Variants in LRRTM4 observed in about 807,000 individuals in gnomAD.
The protein encoded by LRRTM4 is leucine rich repeat transmembrane neuronal 4.
LRRTM4 carries 25 observed loss-of-function variants against 47.6 expected under a neutral mutation model. That is an observed-to-expected ratio of 0.53 (90% CI 0.38 to 0.73). LRRTM4 has a LOEUF of 0.73. Among genes scored for constraint, LRRTM4 ranks in the 30% least tolerant of loss-of-function variants. The pLI, the probability that LRRTM4 is intolerant of heterozygous loss-of-function variation, is 0.00. For missense variants in LRRTM4, 638 were observed against 713.4 expected, an observed-to-expected ratio of 0.89 and a Z score of 1.20; for synonymous variants, 311 against 269.5, an observed-to-expected ratio of 1.15 and a Z score of -1.51.
chr2:77,013,343 T>C (rs1677943153), intron 3 of LRRTM4, among the ~76,000 whole-genome samples: 1 of 152,170 alleles, frequency 6.6e-6, no homozygotes, highest in African/African-American at 2.4e-5. Context: ...GTGATTGTCA[T>C]TCTCCCTCAG....
intron 3 of LRRTM4, among the ~76,000 whole-genome samples, chr2:76,755,467 G>A (rs751941883): frequency 7.2e-5 from 11 of 151,996 alleles, no homozygotes; most frequent in East Asian, 1.9e-4. Flanking sequence ...TAGTTTTTTC[G>A]TGTTTCTTTT....
At chr2:77,051,761 T>C (rs1267815740) in intron 3 of LRRTM4, among the ~76,000 whole-genome samples, 1 of 152,226 alleles carries the variant, frequency 6.6e-6, no homozygotes. Context: ...ACAAAATTAA[T>C]GATCAAATTT....
intron 3 of LRRTM4, among the ~76,000 whole-genome samples, chr2:77,131,597 G>C (rs1479696607): frequency 6.6e-6 from 1 of 152,122 alleles, no homozygotes; most frequent in African/African-American, 2.4e-5. Context: ...GTGGGAAAGA[G>C]CCAAACCCAA....
intron 3 of LRRTM4, among the ~76,000 whole-genome samples, chr2:77,264,306 G>T (rs1675994518): frequency 6.6e-6 from 1 of 152,070 alleles, no homozygotes; most frequent in Non-Finnish European, 1.5e-5. Flanking sequence ...AAGAAAGCGA[G>T]AGAGAGGGAG....
At chr2:77,480,774 G>T (rs1677645717) in intron 3 of LRRTM4, among the ~76,000 whole-genome samples, 1 of 121,942 alleles carries the variant, frequency 8.2e-6, no homozygotes, top group Non-Finnish European at 1.7e-5. Flanking sequence ...GCTATGTGTG[G>T]CTGTTTTAGG....
chr2:77,472,582 G>T (rs762554412), intron 3 of LRRTM4, among the ~76,000 whole-genome samples: 18 of 151,718 alleles, frequency 1.2e-4, no homozygotes, highest in Admixed American at 6.6e-4. Context: ...GCAGGGCTTT[G>T]TCTATACCAA....
At chr2:77,445,820 A>G (rs1317655343) in intron 3 of LRRTM4, among the ~76,000 whole-genome samples, 1 of 152,068 alleles carries the variant, frequency 6.6e-6, no homozygotes, top group Non-Finnish European at 1.5e-5. Flanking sequence ...TTTCTCACCT[A>G]TAAACAAGTG....
At chr2:76,828,826 C>G (rs1671256967) in intron 3 of LRRTM4, among the ~76,000 whole-genome samples, 1 of 151,944 alleles carries the variant, frequency 6.6e-6, no homozygotes, top group Non-Finnish European at 1.5e-5. Flanking sequence ...TTACCCCAAT[C>G]CACCTTTACA....
At chr2:77,041,368 C>T (rs562011306) in intron 3 of LRRTM4, among the ~76,000 whole-genome samples, 84 of 151,526 alleles carry the variant, frequency 5.5e-4, no homozygotes, top group Non-Finnish European at 7.8e-4. Context: ...AATAGTGTTG[C>T]AATAGACATG....
Position 76,886,811 on chromosome 2 carries a change from C to G in LRRTM4, c.1552-137895G>C, listed in dbSNP as rs561412950. ...CTTTACAATGCAACCAAGACTCATT[C>G]CTGATAGATTTAAAAGAATGAAATA... On this transcript the variant is annotated intron_variant, in intron 3 of 3. Transcript: ENST00000409884. 5.3e-5 allele frequency among the ~76,000 whole-genome samples: 8 copies of G among 151,958 alleles called. No individual in the cohort carries two copies. In the South Asian group the frequency reaches 1.7e-3, roughly 32 times the overall value.
In LRRTM4 at chr2:76,801,178, C is replaced by T. The variant is rs530805678; in HGVS notation, c.1552-52262G>A. On this transcript the variant is annotated intron_variant, in intron 3 of 3. Coordinates refer to ENST00000409884, the MANE Select transcript of LRRTM4 (RefSeq NM_001134745.3). Reference sequence around the variant, plus strand: ...CCATTACTGGGTATATACCCAAATGCCTATAAATCATTGCTGCTATAAAGA... The same window carrying T: ...CCATTACTGGGTATATACCCAAATGTCTATAAATCATTGCTGCTATAAAGA... Among the ~76,000 whole-genome samples, 8 of 152,134 alleles carry T rather than the reference C, an allele frequency of 5.3e-5. No homozygotes were observed. In the East Asian group the frequency reaches 1.2e-3, roughly 22 times the overall value.
chr2:77,484,206 T>C (rs1178486604), intron 3 of LRRTM4, among the ~76,000 whole-genome samples: 4 of 152,262 alleles, frequency 2.6e-5, no homozygotes, highest in Admixed American at 2.6e-4. Flanking sequence ...TCAGAGTTTG[T>C]GGCCACTGGG....
intron 3 of LRRTM4, among the ~76,000 whole-genome samples, chr2:77,352,851 A>G (rs1382151622): frequency 6.6e-6 from 1 of 152,146 alleles, no homozygotes. Context: ...CTAAAAGCCT[A>G]TTCAAGATTT....
At chr2:76,974,201 T>TATATATAC (rs1558771637) in intron 3 of LRRTM4, among the ~76,000 whole-genome samples, 27 of 70,678 alleles carry the variant, frequency 3.8e-4, no homozygotes, top group East Asian at 2.2e-3. Context: ...TATATACATA[T>TATATATAC]ATATATATAC....
intron 3 of LRRTM4, among the ~76,000 whole-genome samples, chr2:76,982,449 T>C (rs1001084481): frequency 6.6e-6 from 1 of 152,080 alleles, no homozygotes; most frequent in Admixed American, 6.6e-5. Context: ...ATTTGAAGTG[T>C]ATTGCCCTCA....
At chr2:77,384,999 T>C (rs545780883) in intron 3 of LRRTM4, among the ~76,000 whole-genome samples, 1 of 152,254 alleles carries the variant, frequency 6.6e-6, no homozygotes, top group South Asian at 2.1e-4. Context: ...ACCGGAGTTA[T>C]GTTAATTCTC....
At position 77,239,601 on chromosome 2, in the gene LRRTM4, T is replaced by C. The variant is rs143264747; in HGVS notation, c.1551+278717A>G. Among the ~76,000 whole-genome samples the C allele has an allele frequency of 5.3e-3, 810 of 151,948 alleles. 10 individuals carry two copies. Among genetic ancestry groups the C allele is most frequent in the African/African-American group, 0.019 (779 of 41,522 alleles). On this transcript the variant is annotated intron_variant, in intron 3 of 3. Transcript: ENST00000409884. ...AAGCAAAAAATAAGAAAAGTATACC[T>C]CACAAGTATTCTTCTAAAAGAAAAC...
rs1014309770 is a variant in LRRTM4, at chr2:77,314,571, G to A, written c.1551+203747C>T. ...TTACTAATTAAAAGTTATTCGGCAG[G>A]ATTATTTCACTAGCTGTGTGACTCT... On this transcript the variant is annotated intron_variant, in intron 3 of 3. Coordinates refer to ENST00000409884, the MANE Select transcript of LRRTM4 (RefSeq NM_001134745.3). Among the ~76,000 whole-genome samples the A allele has an allele frequency of 2.0e-5, 3 of 152,042 alleles. No homozygotes were observed. The South Asian group carries it at 6.2e-4, about 32-fold the overall frequency.
At chr2:77,349,073 T>A (rs1015882622) in intron 3 of LRRTM4, among the ~76,000 whole-genome samples, 1 of 151,908 alleles carries the variant, frequency 6.6e-6, no homozygotes, top group South Asian at 2.1e-4. Flanking sequence ...CCATTTTTTT[T>A]AATCAACAGT....
Sources: gnomAD v4.1 joint callset for allele counts (sites outside exome capture counted in the v4.1 genomes callset) on GRCh38, gnomAD v4.1.1 for gene constraint, MANE v1.5 for transcripts, NCBI Gene and HGNC (gene_info 2026-07-23, HGNC 2026-07-21) for gene names.